The following NR3C1 variants were observed in gnomAD, a reference collection of about 807,000 sequenced individuals.
NR3C1 encodes glucocorticoid receptor.
In NR3C1, 14 loss-of-function variants were observed where a neutral mutation model predicts 74.0. The ratio of observed to expected loss-of-function variants is 0.19; its 90% CI spans 0.12 to 0.30. The LOEUF (loss-of-function observed/expected upper bound fraction) is 0.30, where lower values mean the gene tolerates loss of function less well. Ranked by LOEUF, NR3C1 falls within the 10% of genes least tolerant of loss-of-function variation. The probability of loss-of-function intolerance (pLI) is 1.00; values close to 1 mark genes in which losing one functional copy is unlikely to be tolerated. For missense variants in NR3C1, 695 were observed against 909.8 expected (o/e 0.76, Z 3.04); for synonymous variants, 308 against 332.5 (o/e 0.93, Z 0.80).
intron 2 of NR3C1, among the ~76,000 whole-genome samples, chr5:143,318,556 C>G (rs1229264563): frequency 6.6e-6 from 1 of 152,114 alleles, no homozygotes; most frequent in East Asian, 1.9e-4. Context: ...GTGGCAGATA[C>G]AAGTCTTCAA....
At chr5:143,403,948 C>A, upstream of NR3C1, 1 of 984,992 alleles carries the variant, frequency 1.0e-6, no homozygotes, top group South Asian at 4.7e-5. Flanking sequence ...CCCAACTCCC[C>A]AGGAAAAAGG....
chr5:143,336,711 C>A (rs562527960), intron 2 of NR3C1, among the ~76,000 whole-genome samples: 3 of 152,078 alleles, frequency 2.0e-5, no homozygotes, highest in Non-Finnish European at 4.4e-5. Flanking sequence ...GTAGCTCATG[C>A]CTGTAATCCC....
At chr5:143,392,976 T>A (rs903144533) in intron 2 of NR3C1, among the ~76,000 whole-genome samples, 1 of 152,170 alleles carries the variant, frequency 6.6e-6, no homozygotes, top group Non-Finnish European at 1.5e-5. Context: ...TGTTTTGTGA[T>A]CTTTACCTCA....
At chr5:143,326,081 TC>T (rs1165561179) in intron 2 of NR3C1, among the ~76,000 whole-genome samples, 1 of 152,206 alleles carries the variant, frequency 6.6e-6, no homozygotes, top group Non-Finnish European at 1.5e-5. Context: ...TTTTACTGAG[TC>T]CATTTTACAG....
intron 2 of NR3C1, among the ~76,000 whole-genome samples, chr5:143,334,424 T>C (rs1004504620): frequency 3.9e-5 from 6 of 152,276 alleles, no homozygotes; most frequent in African/African-American, 1.4e-4. Flanking sequence ...GTCAAGCACC[T>C]CTCATCACAG....
At chr5:143,373,769 C>A (rs183729907) in intron 2 of NR3C1, among the ~76,000 whole-genome samples, 29 of 152,072 alleles carry the variant, frequency 1.9e-4, no homozygotes, top group African/African-American at 6.8e-4. Context: ...TATAGTCCTG[C>A]AGATGGGAAG....
At position 143,279,297 on chromosome 5, in the gene NR3C1, A is replaced by C. The variant is rs1812761752; in HGVS notation, c.*2592T>G. ...TCAGTTGACTTATTATTGACAACGA[A>C]GTGCACATAATCTTCTTTTTCTCAT... On this transcript the variant is annotated 3_prime_UTR_variant, in exon 9 of 9. Coordinates refer to ENST00000394464, the MANE Select transcript of NR3C1 (RefSeq NM_000176.3). 1.3e-6 allele frequency: 2 copies of C among 1,517,874 alleles called. No individual in the cohort carries two copies. Among genetic ancestry groups the C allele is most frequent in the Admixed American group, 2.2e-5 (1 of 45,606 alleles). 94.0% of individuals were successfully genotyped at this position (1,517,874 alleles called of 1,614,324 possible).
upstream of NR3C1, chr5:143,404,261 T>C (rs1840893685): frequency 4.1e-6 from 4 of 985,096 alleles, no homozygotes; most frequent in Non-Finnish European, 4.8e-6. Context: ...GGCTACGGGG[T>C]TGCACGGAAA....
chr5:143,279,338 G>A lies in NR3C1; in HGVS notation c.*2551C>T, dbSNP rs758005523. On this transcript the variant is annotated 3_prime_UTR_variant, in exon 9 of 9. Transcript: ENST00000394464. ...TTTTTCTCATTGAGTTCTATTTTTT[G>A]AGCGCCAAGATTGTTGGGATGAAAA... The A allele has an allele frequency of 4.5e-6, 7 of 1,543,896 alleles. No homozygotes were observed. The highest frequency in any genetic ancestry group is 2.8e-5 in the African/African-American group (2 of 72,522).
chr5:143,378,993 T>C (rs1002887555), intron 2 of NR3C1, among the ~76,000 whole-genome samples: 1 of 152,166 alleles, frequency 6.6e-6, no homozygotes, highest in Admixed American at 6.5e-5. Flanking sequence ...TCTCAACCCA[T>C]GAATCACAGG....
intron 4 of NR3C1, among the ~76,000 whole-genome samples, 193 bp downstream of exon 4, chr5:143,309,904 G>A (rs1384949998): frequency 6.6e-6 from 1 of 152,036 alleles, no homozygotes; most frequent in Non-Finnish European, 1.5e-5. Flanking sequence ...AGAACTGGTG[G>A]ATAAACAAAC....
chr5:143,386,899 C>T (rs1020384168), intron 2 of NR3C1, among the ~76,000 whole-genome samples: 6 of 152,212 alleles, frequency 3.9e-5, no homozygotes, highest in African/African-American at 9.7e-5. Flanking sequence ...CATCTATCAT[C>T]GTGCATATGG....
chr5:143,402,759 G>C (rs1299365650), intron 1 of NR3C1: 7 of 985,380 alleles, frequency 7.1e-6, no homozygotes, highest in Non-Finnish European at 7.2e-6. Context: ...CCCGGAGCCC[G>C]GGCTCGCGCT....
intron 1 of NR3C1, among the ~76,000 whole-genome samples, chr5:143,433,452 TTATATA>T (rs70995004): frequency 2.5e-5 from 3 of 119,696 alleles, no homozygotes; most frequent in Non-Finnish European, 3.4e-5. Context: ...TTTATTTAAA[TTATATA>T]TATATATATA....
At chr5:143,320,697 T>C (rs1823174453) in intron 2 of NR3C1, among the ~76,000 whole-genome samples, 2 of 152,368 alleles carry the variant, frequency 1.3e-5, no homozygotes, top group East Asian at 1.9e-4. Context: ...ATGTTATCTA[T>C]GCTACTTAAA....
At position 143,279,261 on chromosome 5, in the gene NR3C1, G is replaced by A; in HGVS notation, c.*2628C>T. ...ATTTAATGAAAAGCCTCCTATAGTT[G>A]TCGATGAGCATCAGTTGACTTATTA... On this transcript the variant is annotated 3_prime_UTR_variant, in exon 9 of 9. Transcript: ENST00000394464. The A allele has an allele frequency of 7.5e-7, 1 of 1,340,424 alleles. No homozygotes were observed. The allele number at this position is 1,340,424 out of a possible 1,614,324, so 83.0% of individuals were successfully genotyped here.
chr5:143,398,186 T>G (rs1839573993), intron 2 of NR3C1, among the ~76,000 whole-genome samples: 1 of 151,968 alleles, frequency 6.6e-6, no homozygotes, highest in Admixed American at 6.6e-5. Context: ...TCTTTTAGCA[T>G]TTAAAACACA....
chr5:143,404,943 C>T (rs1280322727), upstream of NR3C1, among the ~76,000 whole-genome samples: 2 of 152,200 alleles, frequency 1.3e-5, no homozygotes, highest in Admixed American at 6.5e-5. Flanking sequence ...ATACAGGCAG[C>T]TTTAAAATGC....
rs1365143692 is a variant in NR3C1, at chr5:143,403,452, T to G, written c.-255A>C. 2.0e-6 allele frequency: 2 copies of G among 984,154 alleles called. No individual in the cohort carries two copies. The highest frequency in any genetic ancestry group is 1.2e-6 in the Non-Finnish European group (1 of 829,498). 61.0% of individuals were successfully genotyped at this position (984,154 alleles called of 1,614,324 possible). A position where few individuals can be genotyped will look rare whatever the true frequency, so the allele number is the denominator to read the frequency against. ...CGCGCCGGGCTCCGCGGGTCGAGGT[T>G]CCGGGCGCGCGTGCCCCGTCCCGGT... On this transcript the variant is annotated 5_prime_UTR_variant, in exon 1 of 9. Coordinates refer to ENST00000394464, the MANE Select transcript of NR3C1 (RefSeq NM_000176.3).
Sources: gnomAD v4.1 joint callset for allele counts (sites outside exome capture counted in the v4.1 genomes callset) on GRCh38, gnomAD v4.1.1 for gene constraint, MANE v1.5 for transcripts, NCBI Gene and HGNC (gene_info 2026-07-23, HGNC 2026-07-21) for gene names.